ZHX3: variants seen among roughly 807,000 people sequenced by gnomAD.
ZHX3 encodes the protein zinc fingers and homeoboxes 3, also known as zinc fingers and homeoboxes protein 3.
A neutral mutation model predicts 64.5 loss-of-function variants in ZHX3; 20 were observed. That is an observed-to-expected ratio of 0.31 (90% CI 0.22 to 0.45). The LOEUF is 0.45. Ranked by LOEUF, ZHX3 falls within the 20% of genes least tolerant of loss-of-function variation. The probability of loss-of-function intolerance (pLI) is 1.00; values close to 1 mark genes in which losing one functional copy is unlikely to be tolerated. For missense variants in ZHX3, 1,041 were observed against 1,195.8 expected (o/e 0.87, Z 1.91); for synonymous variants, 423 against 461.6 (o/e 0.92, Z 1.07).
intron 1 of ZHX3, among the ~76,000 whole-genome samples, chr20:41,285,023 C>T (rs894798746): frequency 2.6e-5 from 4 of 152,150 alleles, no homozygotes; most frequent in Non-Finnish European, 2.9e-5. Flanking sequence ...CAGGTTTCAG[C>T]GTAAACACTT....
At position 41,184,024 on chromosome 20, in the gene ZHX3, G is replaced by A. The variant is rs2036338878; in HGVS notation, c.*1167C>T. On this transcript the variant is annotated 3_prime_UTR_variant, in exon 4 of 4. Coordinates refer to ENST00000683867, the MANE Select transcript of ZHX3 (RefSeq NM_001384317.1). The stretch of plus-strand genomic sequence containing the variant: ...CCTTGGGCATGCATCCAGCACACCG[G>A]CCAGACCCTGGGGTGGGAGCCACGG... 6.6e-6 allele frequency: 1 copy of A among 152,182 alleles called. No individual in the cohort carries two copies. Among genetic ancestry groups the A allele is most frequent in the South Asian group, 2.1e-4 (1 of 4,816 alleles). 9.4% of individuals were successfully genotyped at this position (152,182 alleles called of 1,614,324 possible).
At chr20:41,263,532 C>CTACACGTGGGCA (rs1180734978) in intron 2 of ZHX3, among the ~76,000 whole-genome samples, 28 of 151,786 alleles carry the variant, frequency 1.8e-4, no homozygotes, top group African/African-American at 6.8e-4. Context: ...GTAGCTGGGA[C>CTACACGTGGGCA]TACACGTGTA....
chr20:41,249,958 G>C (rs2041907955), intron 2 of ZHX3, among the ~76,000 whole-genome samples: 1 of 152,154 alleles, frequency 6.6e-6, no homozygotes, highest in Non-Finnish European at 1.5e-5. Context: ...AGGATTGAAT[G>C]GGAGTTCTGC....
chr20:41,202,380 T>A lies in ZHX3; in HGVS notation c.2537A>T (p.Asn846Ile). Residue 846 changes from asparagine to isoleucine, a missense_variant, in exon 3 of 4, where the codon AAC becomes ATC. Physicochemically the swap from Asn to Ile is moderately radical, Grantham distance 149. Coordinates refer to ENST00000683867, the MANE Select transcript of ZHX3 (RefSeq NM_001384317.1). This position sits in a 1 kb window ranked among gnomAD's most constrained non-coding sequence, Gnocchi z 7.0. The part of the protein sequence containing the change: ...PPGLLVIAPG[N>I]RELLQDYYMT... ...GTAATAGTCCTGCAGGAGCTCCCGG[T>A]TGCCAGGGGCAATGACCAGTAGCCC... The A allele has an allele frequency of 1.2e-6, 2 of 1,614,144 alleles. No homozygotes were observed. The highest frequency in any genetic ancestry group is 1.7e-6 in the Non-Finnish European group (2 of 1,180,016).
intron 1 of ZHX3, among the ~76,000 whole-genome samples, chr20:41,283,974 G>A (rs1029059551): frequency 1.3e-5 from 2 of 152,052 alleles, no homozygotes; most frequent in Non-Finnish European, 2.9e-5. Flanking sequence ...GAGGGTACAA[G>A]TATTAATATA....
intron 1 of ZHX3, among the ~76,000 whole-genome samples, chr20:41,299,641 C>G (rs2044715998): frequency 6.6e-6 from 1 of 152,070 alleles, no homozygotes; most frequent in South Asian, 2.1e-4. Context: ...GCAGGTGGAT[C>G]ACTTGAGGTC....
intron 2 of ZHX3, among the ~76,000 whole-genome samples, chr20:41,210,042 G>A (rs2039037843): frequency 1.3e-5 from 2 of 152,166 alleles, no homozygotes; most frequent in Admixed American, 1.3e-4. Flanking sequence ...CAAAGGATAT[G>A]AACAGACACT....
At chr20:41,242,407 A>T (rs902275558) in intron 2 of ZHX3, among the ~76,000 whole-genome samples, 1 of 152,208 alleles carries the variant, frequency 6.6e-6, no homozygotes, top group African/African-American at 2.4e-5. Flanking sequence ...ACAAACATCC[A>T]TTAAGGGTGA....
intron 1 of ZHX3, among the ~76,000 whole-genome samples, chr20:41,286,742 G>C (rs1022114096): frequency 6.6e-6 from 1 of 152,086 alleles, no homozygotes; most frequent in Non-Finnish European, 1.5e-5. Context: ...ACAGAGTTTT[G>C]CTCTGTGTCC....
chr20:41,303,190 C>T (rs966509290), intron 1 of ZHX3, among the ~76,000 whole-genome samples: 4 of 152,246 alleles, frequency 2.6e-5, no homozygotes, highest in Non-Finnish European at 5.9e-5. Flanking sequence ...GGACACAGGA[C>T]CCCTGACTCT....
rs549946074 is a variant in ZHX3 at position 41,297,097 on chromosome 20, T to C, written c.-245+20412A>G. 2.3e-4 allele frequency among the ~76,000 whole-genome samples: 35 copies of C among 152,356 alleles called. 1 individual carries two copies. Among genetic ancestry groups the C allele is most frequent in the African/African-American group, 8.4e-4 (35 of 41,578 alleles). On this transcript the variant is annotated intron_variant, in intron 1 of 3. Coordinates refer to ENST00000683867, the MANE Select transcript of ZHX3 (RefSeq NM_001384317.1). ...ATGCCAACTTTTCCTGTTGGGACTC[T>C]GACAGATAAAGTTCTGTCTATAGAA...
intron 3 of ZHX3, among the ~76,000 whole-genome samples, chr20:41,197,559 A>G (rs921131265): frequency 7.3e-5 from 11 of 151,648 alleles, no homozygotes; most frequent in African/African-American, 2.4e-4. Context: ...TTGTGTCCTT[A>G]TATCTAACAT....
chr20:41,225,120 T>G (rs760136024), intron 2 of ZHX3, among the ~76,000 whole-genome samples: 5 of 152,248 alleles, frequency 3.3e-5, no homozygotes, highest in Non-Finnish European at 7.3e-5. Flanking sequence ...GACAGAGCCC[T>G]AACACTGTGG....
chr20:41,225,680 G>C (rs913241395), intron 2 of ZHX3, among the ~76,000 whole-genome samples: 20 of 152,194 alleles, frequency 1.3e-4, no homozygotes, highest in African/African-American at 4.8e-4. Context: ...TAGAGACAGG[G>C]TTTCGCCATG....
chr20:41,263,597 C>T (rs1051477510), intron 2 of ZHX3, among the ~76,000 whole-genome samples: 13 of 152,026 alleles, frequency 8.6e-5, no homozygotes, highest in Non-Finnish European at 1.6e-4. Context: ...CGGGGTTTCA[C>T]CATGTTGCTG....
At chr20:41,254,998 G>A (rs2042168301) in intron 2 of ZHX3, among the ~76,000 whole-genome samples, 1 of 152,060 alleles carries the variant, frequency 6.6e-6, no homozygotes, top group South Asian at 2.1e-4. Flanking sequence ...GGGGAGAGTG[G>A]CATTGATGAA....
chr20:41,254,723 T>C (rs2042150305), intron 2 of ZHX3: 1 of 152,220 alleles, frequency 6.6e-6, no homozygotes, highest in Admixed American at 6.5e-5. Flanking sequence ...TATATGCATA[T>C]ATGGCTTAGC....
intron 2 of ZHX3, among the ~76,000 whole-genome samples, chr20:41,254,899 T>C (rs1333545290): frequency 6.6e-6 from 1 of 151,940 alleles, no homozygotes; most frequent in Non-Finnish European, 1.5e-5. Flanking sequence ...CAGCCTATAA[T>C]GAATGTGTGC....
In ZHX3 at chr20:41,185,708, T is replaced by C. The variant is rs1020405493; in HGVS notation, c.2861-507A>G. 2.1e-4 allele frequency: 34 copies of C among 159,380 alleles called. No homozygotes were observed. The highest frequency in any genetic ancestry group is 1.0e-3 in the Admixed American group (16 of 15,864). The allele number at this position is 159,380 out of a possible 1,614,324, so 9.9% of individuals were successfully genotyped here. The stretch of plus-strand genomic sequence containing the variant: ...AAAGTAAGGCTGATATCAGAGAGGT[T>C]CATCATCTGTGATTCATAAAGAAAT... On this transcript the variant is annotated intron_variant, in intron 3 of 3. Coordinates refer to ENST00000683867, the MANE Select transcript of ZHX3 (RefSeq NM_001384317.1). The surrounding 1 kb of genome is among the most constrained non-coding windows in gnomAD (Gnocchi z 5.0).
Sources: allele counts gnomAD v4.1 joint callset (sites outside exome capture counted in the v4.1 genomes callset), GRCh38; gene constraint gnomAD v4.1.1; non-coding constraint Gnocchi (gnomAD v3.1); transcripts MANE v1.5; gene names NCBI Gene and HGNC (gene_info 2026-07-23, HGNC 2026-07-21).